Variants in TMEM117 observed in about 807,000 individuals in gnomAD.
The protein encoded by TMEM117 is transmembrane protein 117.
A neutral mutation model predicts 52.4 loss-of-function variants in TMEM117; 27 were observed. The observed-to-expected ratio is 0.51, with a 90% CI of 0.38 to 0.71. TMEM117 has a LOEUF of 0.71. Ranked by LOEUF, TMEM117 falls within the 30% of genes least tolerant of loss-of-function variation. TMEM117 has a pLI of 0.00. For missense variants in TMEM117, 556 were observed against 630.5 expected (o/e 0.88, Z 1.26); for synonymous variants, 215 against 206.3 (o/e 1.04, Z -0.36).
At chr12:44,011,302 A>G (rs1228017664) in intron 3 of TMEM117, among the ~76,000 whole-genome samples, 1 of 152,146 alleles carries the variant, frequency 6.6e-6, no homozygotes, top group South Asian at 2.1e-4. Flanking sequence ...TACTATTGTT[A>G]TGGTTTGGCT....
chr12:44,033,744 C>T (rs191109532), intron 3 of TMEM117, among the ~76,000 whole-genome samples: 10 of 152,258 alleles, frequency 6.6e-5, no homozygotes, highest in Non-Finnish European at 2.9e-5. Context: ...ACATCATCTT[C>T]AAAGTTTTTT....
At chr12:44,287,872 G>A (rs142313123) in intron 5 of TMEM117, among the ~76,000 whole-genome samples, 165 of 152,310 alleles carry the variant, frequency 1.1e-3, no homozygotes, top group African/African-American at 3.7e-3. Flanking sequence ...CTTTTAAACT[G>A]GGTGGGATGG....
Position 44,071,216 on chromosome 12 carries a change from C to T in TMEM117, c.411-72309C>T, listed in dbSNP as rs190385337. 2.8e-3 allele frequency among the ~76,000 whole-genome samples: 426 copies of T among 152,274 alleles called. 5 individuals carry two copies. The highest frequency in any genetic ancestry group is 9.7e-3 in the African/African-American group (403 of 41,554). ...GCTCTGGGAGCAGAACAGCCGCGCT[C>T]GTGCCAGACAGGTGTTTTTCCTCCT... On this transcript the variant is annotated intron_variant, in intron 3 of 7. Coordinates refer to ENST00000266534, the MANE Select transcript of TMEM117 (RefSeq NM_032256.3).
intron 2 of TMEM117, among the ~76,000 whole-genome samples, chr12:43,870,674 A>G (rs1182708809): frequency 1.3e-5 from 2 of 152,172 alleles, no homozygotes; most frequent in Non-Finnish European, 1.5e-5. Context: ...TTCTGCCTCT[A>G]GGTCTTTGAG....
the TMEM117 span, among the ~76,000 whole-genome samples, chr12:43,815,854 A>G: frequency 6.6e-6 from 1 of 152,258 alleles, no homozygotes; most frequent in African/African-American, 2.4e-5. Context: ...GGCTCTGCAC[A>G]AGGGCAGGAA....
chr12:44,285,867 T>C (rs1292566520), intron 5 of TMEM117, among the ~76,000 whole-genome samples: 2 of 152,212 alleles, frequency 1.3e-5, no homozygotes, highest in Non-Finnish European at 2.9e-5. Context: ...CAGTGAAAAA[T>C]GAAGGAAAGC....
chr12:44,194,163 G>A (rs1237371066), intron 4 of TMEM117, among the ~76,000 whole-genome samples: 2 of 152,296 alleles, frequency 1.3e-5, no homozygotes, highest in African/African-American at 2.4e-5. Flanking sequence ...AAGTTCAGTT[G>A]TGGGTTAAAG....
the TMEM117 span, among the ~76,000 whole-genome samples, chr12:43,819,187 G>A: frequency 2.4e-4 from 37 of 152,274 alleles, no homozygotes; most frequent in African/African-American, 8.9e-4. Flanking sequence ...CACTTTCTAT[G>A]ATGTACTGTA....
intron 3 of TMEM117, among the ~76,000 whole-genome samples, chr12:44,125,889 T>C (rs1948316337): frequency 6.6e-6 from 1 of 152,230 alleles, no homozygotes; most frequent in Admixed American, 6.5e-5. Flanking sequence ...GCTTTAGCTG[T>C]ATCACAGAGA....
intron 3 of TMEM117, among the ~76,000 whole-genome samples, chr12:43,969,427 G>T (rs927907174): frequency 3.3e-5 from 5 of 150,564 alleles, no homozygotes; most frequent in South Asian, 2.1e-4. Flanking sequence ...GAAAGCTAAG[G>T]CAGAGAATTG....
At chr12:43,906,441 T>G in intron 2 of TMEM117, among the ~76,000 whole-genome samples, 1 of 141,924 alleles carries the variant, frequency 7.0e-6, no homozygotes, top group Non-Finnish European at 1.5e-5. Context: ...TCAGCCTGGG[T>G]GAGGGAGTGA....
chr12:43,917,537 G>C (rs557083736), intron 2 of TMEM117, among the ~76,000 whole-genome samples: 22 of 152,178 alleles, frequency 1.4e-4, no homozygotes, highest in Admixed American at 1.1e-3. Context: ...TCACCCCAGT[G>C]GGCAGTGGCA....
rs781288605 is a variant in TMEM117 at position 44,388,796 on chromosome 12, A to G, written c.*124A>G. ...AGGTAAAAATATGAACAATGCCACA[A>G]CGGTGCTCAACATGCTTTTTCTAGG... On this transcript the variant is annotated 3_prime_UTR_variant, in exon 8 of 8. Transcript: ENST00000266534. 66 of 1,013,202 alleles carry G rather than the reference A, an allele frequency of 6.5e-5. No homozygotes were observed. Among genetic ancestry groups the G allele is most frequent in the Admixed American group, 5.2e-4 (20 of 38,574 alleles). 62.8% of individuals were successfully genotyped at this position (1,013,202 alleles called of 1,614,324 possible). A position where few individuals can be genotyped will look rare whatever the true frequency, so the allele number is the denominator to read the frequency against.
At chr12:43,824,086 T>C in the TMEM117 span, among the ~76,000 whole-genome samples, 1 of 152,226 alleles carries the variant, frequency 6.6e-6, no homozygotes, top group East Asian at 1.9e-4. Flanking sequence ...TTAGCTAATA[T>C]TGTGATGTAA....
intron 2 of TMEM117, among the ~76,000 whole-genome samples, chr12:43,858,224 C>G (rs2137390526): frequency 6.6e-6 from 1 of 152,326 alleles, no homozygotes; most frequent in Admixed American, 6.5e-5. Context: ...AAGGTCATAA[C>G]AGTAGCCAGC....
At chr12:43,800,026 C>A in the TMEM117 span, among the ~76,000 whole-genome samples, 1 of 152,116 alleles carries the variant, frequency 6.6e-6, no homozygotes, top group Non-Finnish European at 1.5e-5. Context: ...AACCAGCCCA[C>A]TTCACAATTA....
intron 5 of TMEM117, among the ~76,000 whole-genome samples, chr12:44,297,860 T>C (rs994112847): frequency 1.3e-5 from 2 of 152,152 alleles, no homozygotes; most frequent in African/African-American, 2.4e-5. Flanking sequence ...TTTCTATCTA[T>C]TGAGTTATAA....
intron 3 of TMEM117, among the ~76,000 whole-genome samples, chr12:43,978,763 A>T (rs1340276959): frequency 2.0e-5 from 3 of 152,104 alleles, no homozygotes; most frequent in African/African-American, 7.2e-5. Flanking sequence ...TAACCTAGCA[A>T]CTGATTGCAT....
intron 6 of TMEM117, among the ~76,000 whole-genome samples, chr12:44,304,346 A>G (rs1020983575): frequency 6.6e-6 from 1 of 152,220 alleles, no homozygotes; most frequent in African/African-American, 2.4e-5. Flanking sequence ...TCCCAACTGC[A>G]GGCTAAAGTG....
Sources: allele counts gnomAD v4.1 joint callset (sites outside exome capture counted in the v4.1 genomes callset), GRCh38; gene constraint gnomAD v4.1.1; transcripts MANE v1.5; gene names NCBI Gene and HGNC (gene_info 2026-07-23, HGNC 2026-07-21).